The following RNF17 variants were observed in gnomAD, a reference collection of about 807,000 sequenced individuals.
RNF17 encodes the protein ring finger protein 17, also known as spermatogenesis associated 23.
Under a neutral mutation model 200.5 loss-of-function variants are expected in RNF17, and 31 were observed. That is an observed-to-expected ratio of 0.15 (90% CI 0.12 to 0.21). RNF17 has a LOEUF of 0.21. RNF17 is among the 10% of genes least tolerant of loss of function. The probability of loss-of-function intolerance (pLI) is 1.00; values close to 1 mark genes in which losing one functional copy is unlikely to be tolerated. For missense variants in RNF17, 1,628 were observed against 1,905.1 expected, an observed-to-expected ratio of 0.85 and a Z score of 2.71; for synonymous variants, 606 against 637.8, an observed-to-expected ratio of 0.95 and a Z score of 0.75.
intron 22 of RNF17, among the ~76,000 whole-genome samples, chr13:24,850,059 A>G (rs1417653656): frequency 6.6e-6 from 1 of 152,208 alleles, no homozygotes; most frequent in African/African-American, 2.4e-5. Context: ...TATTTAAAAT[A>G]TACCTGTTTT....
upstream of RNF17, among the ~76,000 whole-genome samples, chr13:24,761,339 A>C (rs1294962627): frequency 6.6e-6 from 1 of 152,234 alleles, no homozygotes; most frequent in East Asian, 1.9e-4. Context: ...AACAACAAAG[A>C]AACCTAACTT....
At chr13:24,869,110 A>G (rs1173076500) in intron 31 of RNF17, among the ~76,000 whole-genome samples, 3 of 140,504 alleles carry the variant, frequency 2.1e-5, no homozygotes, top group Admixed American at 7.0e-5. Flanking sequence ...CCCTTAGGGT[A>G]TAGCTCCATG....
At chr13:24,847,326 C>G (rs772949151) in intron 22 of RNF17, among the ~76,000 whole-genome samples, 10 of 148,858 alleles carry the variant, frequency 6.7e-5, no homozygotes, top group Admixed American at 3.5e-4. Flanking sequence ...TTTTGGGAAC[C>G]TGATCTTTTT....
At chr13:24,763,229 G>T (rs535807866), upstream of RNF17, among the ~76,000 whole-genome samples, 1 of 144,710 alleles carries the variant, frequency 6.9e-6, no homozygotes, top group Non-Finnish European at 1.5e-5. Flanking sequence ...TTGAGACGCA[G>T]TCTCGCTCTG....
chr13:24,798,908 A>G (rs527656143), intron 11 of RNF17, among the ~76,000 whole-genome samples: 1 of 152,166 alleles, frequency 6.6e-6, no homozygotes, highest in South Asian at 2.1e-4. Flanking sequence ...GGCATTTCAC[A>G]GGCTACCTTT....
chr13:24,750,268 T>C, the RNF17 span, among the ~76,000 whole-genome samples: 5 of 152,250 alleles, frequency 3.3e-5, no homozygotes, highest in East Asian at 7.7e-4. Context: ...TCCTTTTTGT[T>C]TGTTTGGTTT....
chr13:24,814,147 C>T (rs1887111141), intron 15 of RNF17, among the ~76,000 whole-genome samples: 1 of 152,104 alleles, frequency 6.6e-6, no homozygotes, highest in Admixed American at 6.6e-5. Flanking sequence ...TATTCATTAA[C>T]TGAACGTGGA....
At chr13:24,868,553 G>C (rs201049815) in intron 30 of RNF17, 47 bp from the exon 31 acceptor site, 2 of 835,732 alleles carry the variant, frequency 2.4e-6, no homozygotes, top group Admixed American at 1.9e-5. Context: ...TAATGTAATA[G>C]ATTTTTGTCC....
Position 24,841,620 on chromosome 13 carries a change from CAT to C in RNF17, c.2483-420_2483-419del, listed in dbSNP as rs1890646450. ...TATGACATTATTCTACAAGAAATGTCATGTGTGCAAATGAAAGAAATTAAGTT... is the reference window on the plus strand; with the variant it reads ...TATGACATTATTCTACAAGAAATGTCGTGTGCAAATGAAAGAAATTAAGTT... On this transcript the variant is annotated intron_variant, in intron 18 of 35. Transcript: ENST00000255324. 3.9e-5 allele frequency among the ~76,000 whole-genome samples: 6 copies of C among 152,116 alleles called. No individual in the cohort carries two copies. The South Asian group carries it at 8.3e-4, about 21-fold the overall frequency.
downstream of RNF17, among the ~76,000 whole-genome samples, chr13:24,880,962 C>T (rs528328206): frequency 2.2e-4 from 33 of 152,214 alleles, no homozygotes; most frequent in East Asian, 2.9e-3. Flanking sequence ...GTGACCATTC[C>T]GTCACTTGTT....
chr13:24,770,258 TGA>T (rs1566112412), intron 2 of RNF17, among the ~76,000 whole-genome samples: 1 of 152,176 alleles, frequency 6.6e-6, no homozygotes, highest in Non-Finnish European at 1.5e-5. Context: ...TTGTTAAATT[TGA>T]CCACAGTTTT....
downstream of RNF17, chr13:24,883,903 G>A (rs1953934656): frequency 1.2e-6 from 2 of 1,609,104 alleles, no homozygotes; most frequent in South Asian, 1.1e-5. Flanking sequence ...GGCACCTTCT[G>A]AGCACAGATG....
chr13:24,765,768 T>G (rs1284987306), intron 1 of RNF17, among the ~76,000 whole-genome samples: 1 of 152,226 alleles, frequency 6.6e-6, no homozygotes, highest in Non-Finnish European at 1.5e-5. Context: ...TCACCACAAG[T>G]TATTTTGAGT....
chr13:24,870,858 G>A, intron 32 of RNF17, 119 bp downstream of exon 32: 1 of 677,396 alleles, frequency 1.5e-6, no homozygotes, highest in Non-Finnish European at 2.4e-6. Context: ...CACTTTACAT[G>A]CATGATTTCC....
At chr13:24,827,319 A>G (rs776020414) in intron 16 of RNF17, among the ~76,000 whole-genome samples, 81 of 152,170 alleles carry the variant, frequency 5.3e-4, no homozygotes, top group Non-Finnish European at 9.8e-4. Context: ...TTCCTAATAT[A>G]TAATCAGTTC....
rs1026099452 is a variant in RNF17 at position 24,847,356 on chromosome 13, T to A, written c.3101+2277T>A. Among the ~76,000 whole-genome samples the A allele has an allele frequency of 5.9e-5, 9 of 151,460 alleles. No homozygotes were observed. The South Asian group carries it at 1.9e-3, about 32-fold the overall frequency. On this transcript the variant is annotated intron_variant, in intron 22 of 35. Transcript: ENST00000255324. ...CTTTTTATTTATTTATTTATTTTTT[T>A]TTTTTTTGAGACAGAGTCTCCCTCT...
At chr13:24,804,997 T>G (rs1885675800) in intron 15 of RNF17, among the ~76,000 whole-genome samples, 1 of 152,168 alleles carries the variant, frequency 6.6e-6, no homozygotes, top group South Asian at 2.1e-4. Flanking sequence ...TCCATTTGAA[T>G]GTGGAGACCC....
chr13:24,835,678 T>A (rs915453790), intron 18 of RNF17, among the ~76,000 whole-genome samples: 1 of 152,206 alleles, frequency 6.6e-6, no homozygotes, highest in African/African-American at 2.4e-5. Flanking sequence ...ACGACAGTCT[T>A]CAGCCCTAGA....
the RNF17 span, among the ~76,000 whole-genome samples, chr13:24,758,637 A>C: frequency 4.3e-4 from 65 of 152,286 alleles, no homozygotes; most frequent in Admixed American, 7.8e-4. Flanking sequence ...TTTTAGTACC[A>C]TTGCATATGG....
Sources: gnomAD v4.1 joint callset for allele counts (sites outside exome capture counted in the v4.1 genomes callset) on GRCh38, gnomAD v4.1.1 for gene constraint, MANE v1.5 for transcripts, NCBI Gene and HGNC (gene_info 2026-07-23, HGNC 2026-07-21) for gene names.